TNFSF4: variants seen among roughly 807,000 people sequenced by gnomAD.
TNFSF4 encodes TNF superfamily member 4, also known as tumor necrosis factor ligand superfamily member 4.
A neutral mutation model predicts 7.3 loss-of-function variants in TNFSF4; 4 were observed. That is an observed-to-expected ratio of 0.55 (90% CI 0.27 to 1.25). The LOEUF is 1.25. Ranked by LOEUF, TNFSF4 falls within the 50% of genes most tolerant of loss-of-function variation. TNFSF4 has a pLI of 0.12. For missense variants in TNFSF4, 181 were observed against 208.8 expected, an observed-to-expected ratio of 0.87 and a Z score of 0.82; for synonymous variants, 76 against 83.7, an observed-to-expected ratio of 0.91 and a Z score of 0.50.
chr1:173,268,308 G>A, the TNFSF4 span, among the ~76,000 whole-genome samples: 1 of 152,062 alleles, frequency 6.6e-6, no homozygotes, highest in Admixed American at 6.6e-5. Flanking sequence ...CATAGTTGAT[G>A]TAAAACTTCT....
At chr1:173,387,910 T>C in the TNFSF4 span, among the ~76,000 whole-genome samples, 11 of 152,206 alleles carry the variant, frequency 7.2e-5, no homozygotes, top group African/African-American at 2.7e-4. Flanking sequence ...GAAGGATGGA[T>C]TGGAAAACCA....
the TNFSF4 span, among the ~76,000 whole-genome samples, chr1:173,353,230 A>G: frequency 6.6e-6 from 1 of 152,252 alleles, no homozygotes; most frequent in Non-Finnish European, 1.5e-5. Flanking sequence ...AGGAAATTAT[A>G]AGAGTATTGA....
At chr1:173,409,639 CTG>C in the TNFSF4 span, among the ~76,000 whole-genome samples, 354 of 152,326 alleles carry the variant, frequency 2.3e-3, 5 homozygotes, top group African/African-American at 8.0e-3. Flanking sequence ...GAATTTATAA[CTG>C]AACTATTGTG....
the TNFSF4 span, among the ~76,000 whole-genome samples, chr1:173,355,847 A>G: frequency 2.0e-5 from 3 of 152,202 alleles, no homozygotes; most frequent in Non-Finnish European, 4.4e-5. Context: ...CAGTTCCCAT[A>G]CTCAAATGCC....
At chr1:173,328,427 C>T in the TNFSF4 span, among the ~76,000 whole-genome samples, 414 of 151,920 alleles carry the variant, frequency 2.7e-3, 3 homozygotes, top group African/African-American at 9.2e-3. Context: ...ATGGGTGCAG[C>T]ACACTAACAT....
the TNFSF4 span, among the ~76,000 whole-genome samples, chr1:173,226,184 C>G: frequency 6.6e-6 from 1 of 152,204 alleles, no homozygotes; most frequent in African/African-American, 2.4e-5. Flanking sequence ...GTTTATGAAA[C>G]AGATTATCAG....
chr1:173,198,693 A>G (rs902282509), intron 1 of TNFSF4, among the ~76,000 whole-genome samples: 2 of 152,038 alleles, frequency 1.3e-5, no homozygotes, highest in Non-Finnish European at 2.9e-5. Flanking sequence ...TGTACCCCAA[A>G]CCCCTATGAC....
At chr1:173,330,475 G>A in the TNFSF4 span, among the ~76,000 whole-genome samples, 1 of 151,924 alleles carries the variant, frequency 6.6e-6, no homozygotes, top group African/African-American at 2.4e-5. Context: ...GTTCAAAGAG[G>A]CTACATAATT....
the TNFSF4 span, among the ~76,000 whole-genome samples, chr1:173,270,207 T>A: frequency 2.0e-5 from 3 of 152,088 alleles, no homozygotes; most frequent in Admixed American, 2.0e-4. Flanking sequence ...GAAGTTCAAT[T>A]TGGAACTTAT....
the TNFSF4 span, among the ~76,000 whole-genome samples, chr1:173,422,389 C>T: frequency 6.8e-6 from 1 of 147,068 alleles, no homozygotes; most frequent in African/African-American, 2.5e-5. Context: ...CATTCAACAA[C>T]CATGTCATGA....
At chr1:173,230,674 A>G in the TNFSF4 span, among the ~76,000 whole-genome samples, 1 of 152,178 alleles carries the variant, frequency 6.6e-6, no homozygotes, top group Non-Finnish European at 1.5e-5. Context: ...AAATTGACAG[A>G]CCACTAGCAA....
the TNFSF4 span, among the ~76,000 whole-genome samples, chr1:173,331,449 A>C: frequency 1.5e-5 from 2 of 133,828 alleles, no homozygotes; most frequent in African/African-American, 5.3e-5. Flanking sequence ...TGGAAACCTT[A>C]GTAGTCAAAA....
chr1:173,274,777 C>A, the TNFSF4 span, among the ~76,000 whole-genome samples: 2 of 152,102 alleles, frequency 1.3e-5, no homozygotes, highest in South Asian at 4.1e-4. Flanking sequence ...TATTCATTTT[C>A]TCACCAGCAC....
the TNFSF4 span, among the ~76,000 whole-genome samples, chr1:173,402,395 C>CACATGA: frequency 1.1e-4 from 16 of 152,248 alleles, no homozygotes; most frequent in African/African-American, 3.6e-4. Flanking sequence ...CATACTGTTG[C>CACATGA]TGTCACAGCC....
the TNFSF4 span, among the ~76,000 whole-genome samples, chr1:173,346,385 G>A: frequency 1.3e-5 from 2 of 152,062 alleles, no homozygotes; most frequent in African/African-American, 2.4e-5. Context: ...AAATCCCTCT[G>A]AATTCTGTAC....
At chr1:173,336,052 T>C in the TNFSF4 span, among the ~76,000 whole-genome samples, 1 of 152,200 alleles carries the variant, frequency 6.6e-6, no homozygotes, top group African/African-American at 2.4e-5. Flanking sequence ...CATCATGTAG[T>C]TATTTTCCCA....
At chr1:173,177,327 C>T in the TNFSF4 span, among the ~76,000 whole-genome samples, 1 of 152,110 alleles carries the variant, frequency 6.6e-6, no homozygotes, top group Non-Finnish European at 1.5e-5. Flanking sequence ...TTATACTAAG[C>T]AAACTAATGC....
the TNFSF4 span, among the ~76,000 whole-genome samples, chr1:173,340,940 A>T: frequency 6.6e-6 from 1 of 152,162 alleles, no homozygotes; most frequent in African/African-American, 2.4e-5. Flanking sequence ...GAGGAACTCG[A>T]TGGGAGGTAA....
chr1:173,318,137 C>A, the TNFSF4 span, among the ~76,000 whole-genome samples: 2 of 152,102 alleles, frequency 1.3e-5, no homozygotes, highest in Non-Finnish European at 2.9e-5. Context: ...AAAATTACTA[C>A]CAAATGTTTA....
Sources: gnomAD v4.1 joint callset for allele counts (sites outside exome capture counted in the v4.1 genomes callset) on GRCh38, gnomAD v4.1.1 for gene constraint, MANE v1.5 for transcripts, NCBI Gene and HGNC (gene_info 2026-07-23, HGNC 2026-07-21) for gene names.